Variants in HIVEP3 observed in about 807,000 individuals in gnomAD.
The protein encoded by HIVEP3 is HIVEP zinc finger 3, also known as transcription factor HIVEP3.
Under a neutral mutation model 152.8 loss-of-function variants are expected in HIVEP3, and 49 were observed. The ratio of observed to expected loss-of-function variants is 0.32; its 90% CI spans 0.26 to 0.41. The LOEUF (loss-of-function observed/expected upper bound fraction) is 0.41, where lower values mean the gene tolerates loss of function less well. HIVEP3 is among the 10% of genes least tolerant of loss of function. The pLI is 1.00. For synonymous variants in HIVEP3, 1,269 were observed against 1,289.0 expected (o/e 0.98, Z 0.33); for missense variants, 2,790 against 3,103.3 (o/e 0.90, Z 2.40).
intron 1 of HIVEP3, among the ~76,000 whole-genome samples, chr1:42,010,795 A>T (rs921959666): frequency 6.6e-6 from 1 of 152,182 alleles, no homozygotes; most frequent in African/African-American, 2.4e-5. Flanking sequence ...GAGCTACTTA[A>T]CCAAAATGTC....
intron 5 of HIVEP3, among the ~76,000 whole-genome samples, chr1:41,530,005 AC>A (rs1332297062): frequency 1.4e-5 from 2 of 138,830 alleles, no homozygotes; most frequent in African/African-American, 5.8e-5. Context: ...ACACACTTAG[AC>A]TCATTTGCAC....
chr1:41,848,321 T>C (rs1643498424), intron 1 of HIVEP3: 1 of 152,252 alleles, frequency 6.6e-6, no homozygotes, highest in Admixed American at 6.5e-5. Flanking sequence ...TTCTTTGGCT[T>C]CTCTGGCTCT....
At chr1:41,648,330 G>A (rs536873087) in intron 2 of HIVEP3, among the ~76,000 whole-genome samples, 53 of 152,202 alleles carry the variant, frequency 3.5e-4, no homozygotes, top group African/African-American at 1.2e-3. Context: ...AGCATGCATC[G>A]GCACATTTCA....
chr1:41,820,563 A>C (rs1642565695), intron 1 of HIVEP3, among the ~76,000 whole-genome samples: 1 of 152,222 alleles, frequency 6.6e-6, no homozygotes, highest in African/African-American at 2.4e-5. Flanking sequence ...AGGATAATGT[A>C]GTTATTTCAG....
At chr1:41,980,389 C>A (rs61775784) in intron 1 of HIVEP3, among the ~76,000 whole-genome samples, 8 of 152,094 alleles carry the variant, frequency 5.3e-5, no homozygotes, top group African/African-American at 1.9e-4. Flanking sequence ...ATGAAACATA[C>A]TGATACATGC....
intron 1 of HIVEP3, among the ~76,000 whole-genome samples, chr1:41,942,351 G>T (rs1460393574): frequency 6.6e-6 from 1 of 152,108 alleles, no homozygotes; most frequent in Non-Finnish European, 1.5e-5. Flanking sequence ...AGTTGTTAAG[G>T]CCTACTGATT....
intron 1 of HIVEP3, among the ~76,000 whole-genome samples, chr1:41,759,555 C>T (rs1647531355): frequency 6.6e-6 from 1 of 152,052 alleles, no homozygotes; most frequent in Non-Finnish European, 1.5e-5. Flanking sequence ...GGGGTATAGA[C>T]CTAGGAGTGG....
chr1:41,857,350 C>A (rs1643796271), intron 1 of HIVEP3, among the ~76,000 whole-genome samples: 1 of 152,044 alleles, frequency 6.6e-6, no homozygotes, highest in Non-Finnish European at 1.5e-5. Context: ...TGAGGTCAAG[C>A]CCAGGAAGAA....
In HIVEP3 at chr1:41,894,319, G is replaced by A. The variant is rs375223249; in HGVS notation, c.-801+24094C>T. ...GTCCAAGATGACCCAGCTAGTAAGAGGAGGACACAGGATTCACATTCAGCA... is the reference window on the plus strand; with the variant it reads ...GTCCAAGATGACCCAGCTAGTAAGAAGAGGACACAGGATTCACATTCAGCA... On this transcript the variant is annotated intron_variant, in intron 1 of 8. Transcript: ENST00000372583. 5.9e-5 allele frequency among the ~76,000 whole-genome samples: 9 copies of A among 152,142 alleles called. No homozygotes were observed. In the East Asian group the frequency reaches 7.7e-4, roughly 13 times the overall value.
chr1:41,762,376 C>A lies in HIVEP3; in HGVS notation c.-800-61381G>T, dbSNP rs767508855. ...TATGAAGAAAGCTGTAACACTGTAA[C>A]CCTCCCATTCTCCATCAGCAGAGGG... On this transcript the variant is annotated intron_variant, in intron 1 of 8. Coordinates refer to ENST00000372583, the MANE Select transcript of HIVEP3 (RefSeq NM_024503.5). Among the ~76,000 whole-genome samples, 145 of 152,212 alleles carry A rather than the reference C, an allele frequency of 9.5e-4. 2 individuals are homozygous for A. Among genetic ancestry groups the A allele is most frequent in the Non-Finnish European group, 2.2e-4 (15 of 68,042 alleles).
Position 41,580,732 on chromosome 1 carries a change from G to A in HIVEP3, c.4066C>T (p.Pro1356Ser), listed in dbSNP as rs1237421216. 1 of 1,591,944 alleles carries A rather than the reference G, an allele frequency of 6.3e-7. No individual in the cohort carries two copies. The highest frequency in any genetic ancestry group is 1.7e-5 in the Admixed American group (1 of 57,946). ...TTTGATGGGGGTTCCTCAAACTTGG[G>A]AAGTGCCACAGTTGCTGAGCTGCCT... The part of the protein sequence containing the change: ...SQGSSATVAL[P>S]KFEEPPSKGT... Residue 1356 changes from proline to serine, a missense_variant, in exon 4 of 9, where the codon CCC becomes TCC. Around this residue, in one of 9 missense-constraint regions of HIVEP3, gnomAD observed 1,078 missense variants for 1,165.3 expected, o/e 0.93. Coordinates refer to ENST00000372583, the MANE Select transcript of HIVEP3 (RefSeq NM_024503.5).
intron 1 of HIVEP3, among the ~76,000 whole-genome samples, chr1:41,857,292 A>G (rs1643794653): frequency 6.6e-6 from 1 of 152,184 alleles, no homozygotes; most frequent in African/African-American, 2.4e-5. Flanking sequence ...CTCCATGCTT[A>G]GAAGACAAGA....
chr1:41,632,804 C>T (rs559217166), intron 2 of HIVEP3, among the ~76,000 whole-genome samples: 10 of 151,922 alleles, frequency 6.6e-5, no homozygotes, highest in Non-Finnish European at 1.2e-4. Flanking sequence ...GGACAGAGGA[C>T]CCCCAAATGG....
chr1:41,683,854 C>T (rs865834096), intron 2 of HIVEP3, among the ~76,000 whole-genome samples: 6 of 152,202 alleles, frequency 3.9e-5, no homozygotes, highest in Middle Eastern at 3.2e-3. Context: ...TATACCAGCA[C>T]TTCGAGGTTC....
At chr1:41,674,773 A>G (rs185160948) in intron 2 of HIVEP3, among the ~76,000 whole-genome samples, 182 of 152,198 alleles carry the variant, frequency 1.2e-3, no homozygotes, top group African/African-American at 4.0e-3. Flanking sequence ...AGCCTTTCCC[A>G]TGGTCAATTA....
intron 1 of HIVEP3, among the ~76,000 whole-genome samples, chr1:41,943,692 TAG>T (rs1334915145): frequency 3.9e-5 from 6 of 152,236 alleles, no homozygotes; most frequent in Non-Finnish European, 5.9e-5. Context: ...TCTCAGTGTC[TAG>T]AGTTATTACC....
chr1:41,964,688 C>A (rs1018695385), intron 1 of HIVEP3, among the ~76,000 whole-genome samples: 2 of 152,188 alleles, frequency 1.3e-5, no homozygotes, highest in African/African-American at 4.8e-5. Flanking sequence ...AGGTGGGATC[C>A]AGATCCATTC....
intron 1 of HIVEP3, among the ~76,000 whole-genome samples, chr1:41,778,536 A>G (rs1311591128): frequency 6.6e-6 from 1 of 152,176 alleles, no homozygotes; most frequent in Admixed American, 6.5e-5. Flanking sequence ...CAGGGATCCA[A>G]TCTTGTTGCT....
At chr1:41,798,914 T>A (rs1650144418) in intron 1 of HIVEP3, among the ~76,000 whole-genome samples, 2 of 152,186 alleles carry the variant, frequency 1.3e-5, no homozygotes, top group African/African-American at 4.8e-5. Context: ...AGGGTTGGGT[T>A]ATGTCTGCCC....
Sources: allele counts gnomAD v4.1 joint callset (sites outside exome capture counted in the v4.1 genomes callset), GRCh38; gene constraint gnomAD v4.1.1; regional missense constraint gnomAD v4.1.1; transcripts MANE v1.5; gene names NCBI Gene and HGNC (gene_info 2026-07-23, HGNC 2026-07-21).